The following TATDN2 variants were observed in gnomAD, a reference collection of about 807,000 sequenced individuals.
TATDN2 encodes 3'-5' RNA nuclease TATDN2.
A neutral mutation model predicts 60.3 loss-of-function variants in TATDN2; 44 were observed. That is an observed-to-expected ratio of 0.73 (90% confidence interval 0.57 to 0.94). The LOEUF is 0.94. Ranked by LOEUF, TATDN2 falls within the 40% of genes least tolerant of loss-of-function variation. The pLI is 0.00. For synonymous variants in TATDN2, 399 were observed against 355.8 expected, an observed-to-expected ratio of 1.12 and a Z score of -1.37; for missense variants, 997 against 948.0, an observed-to-expected ratio of 1.05 and a Z score of -0.68.
chr3:10,260,268 C>G lies in TATDN2; in HGVS notation c.546C>G (p.Gly182=), dbSNP rs1307013815. Residue 182 remains glycine (G), a synonymous_variant, in exon 3 of 8, where the codon GGC becomes GGG. Coordinates refer to ENST00000448281, the MANE Select transcript of TATDN2 (RefSeq NM_014760.4). ...AGAGGGATAGACTTCGAGACCAGGGCTCCACAATGATCTACCTGAAGGCTA... is the reference window on the plus strand; with the variant it reads ...AGAGGGATAGACTTCGAGACCAGGGGTCCACAATGATCTACCTGAAGGCTA... ...KRKRDRLRDQ[G]STMIYLKAIQ... is the part of the protein sequence containing the mutation. 6.2e-7 allele frequency: 1 copy of G among 1,614,178 alleles called. No homozygotes were observed. Among genetic ancestry groups the G allele is most frequent in the Non-Finnish European group, 8.5e-7 (1 of 1,180,040 alleles).
At chr3:10,268,888 G>C (rs1479692068) in intron 3 of TATDN2, among the ~76,000 whole-genome samples, 1 of 152,136 alleles carries the variant, frequency 6.6e-6, no homozygotes, top group African/African-American at 2.4e-5. Context: ...TTAATGCAAG[G>C]GATGGTTGTT....
chr3:10,253,274 C>T (rs1446933065), intron 2 of TATDN2, among the ~76,000 whole-genome samples: 9 of 152,136 alleles, frequency 5.9e-5, no homozygotes, highest in Non-Finnish European at 1.2e-4. Flanking sequence ...GTGCTGGGAT[C>T]ACAGGCATGA....
chr3:10,267,615 C>A (rs971119005), intron 3 of TATDN2, among the ~76,000 whole-genome samples: 5 of 152,120 alleles, frequency 3.3e-5, no homozygotes, highest in Admixed American at 3.3e-4. Context: ...TCATATGTCT[C>A]GTTTTTGCTG....
intron 3 of TATDN2, among the ~76,000 whole-genome samples, chr3:10,266,780 A>G (rs954573710): frequency 1.3e-5 from 2 of 152,184 alleles, no homozygotes; most frequent in Admixed American, 1.3e-4. Flanking sequence ...AATTTGTTCA[A>G]TCCATCTTTA....
At chr3:10,255,032 T>TCCCCC (rs1488586574) in intron 2 of TATDN2, among the ~76,000 whole-genome samples, 1 of 12,478 alleles carries the variant, frequency 8.0e-5, no homozygotes, top group East Asian at 3.4e-3. Context: ...CCCCTCCCCC[T>TCCCCC]CCCTCCTTTC....
At chr3:10,274,306 T>C (rs1698605031) in intron 4 of TATDN2, among the ~76,000 whole-genome samples, 1 of 152,214 alleles carries the variant, frequency 6.6e-6, no homozygotes, top group Non-Finnish European at 1.5e-5. Context: ...AATTGCAAGG[T>C]ACAATACAAT....
rs752667287 is a variant in TATDN2 at position 10,249,398 on chromosome 3, G to C, written c.198G>C (p.Ser66=). 6.9e-4 allele frequency: 1,117 copies of C among 1,612,826 alleles called. No homozygotes were observed. The highest frequency in any genetic ancestry group is 8.9e-4 in the Non-Finnish European group (1,050 of 1,179,650). The change falls in exon 2 of 8, where the codon TCG becomes TCC. Residue 66 remains serine, a synonymous_variant. Transcript: ENST00000448281. The stretch of plus-strand genomic sequence containing the variant: ...AGAAGGAGGACGATGTGGCTTGCTC[G>C]CGGAGGTTATCCTGGGGCTCATCCC... ...KAQKEDDVAC[S]RRLSWGSSRR...
At position 10,270,424 on chromosome 3, in the gene TATDN2, C is replaced by G. The variant is rs1044522457; in HGVS notation, c.1242C>G (p.Ser414Arg). Residue 414 changes from serine (S) to arginine (R), a missense_variant, in exon 4 of 8, where the codon AGC (serine) becomes AGG (arginine). Coordinates refer to ENST00000448281, the MANE Select transcript of TATDN2 (RefSeq NM_014760.4). ...DAAQVGKSSR[S>R]RMSDYSPNST... ...CCCAGGTTGGGAAGAGCAGCCGGAG[C>G]CGCATGAGTGATTATTCCCCCAACT... 1.9e-6 allele frequency: 3 copies of G among 1,614,160 alleles called. No homozygotes were observed. The African/African-American group carries it at 4.0e-5, about 22-fold the overall frequency.
rs1698551982 is a variant in TATDN2, at chr3:10,270,831, A to G, written c.1649A>G (p.Glu550Gly). The change falls in exon 4 of 8, where the codon GAG becomes GGG. Residue 550 changes from glutamate to glycine, a missense_variant. Coordinates refer to ENST00000448281, the MANE Select transcript of TATDN2 (RefSeq NM_014760.4). Reference protein sequence around the residue: ...PRTLTDCLWEELLKEDLVWGA... With the variant: ...PRTLTDCLWEGLLKEDLVWGA... ...ACCCTGACAGATTGCCTATGGGAGG[A>G]GCTGTTGAAAGAGGATCTGGTCTGG... 1 of 1,613,904 alleles carries G rather than the reference A, an allele frequency of 6.2e-7. No homozygotes were observed. Among genetic ancestry groups the G allele is most frequent in the African/African-American group, 1.3e-5 (1 of 74,882 alleles).
intron 5 of TATDN2, among the ~76,000 whole-genome samples, chr3:10,277,453 C>T (rs1307266141): frequency 1.3e-5 from 2 of 152,120 alleles, no homozygotes; most frequent in East Asian, 3.9e-4. Flanking sequence ...TATCATAGCC[C>T]AGCCAGAAGA....
intron 2 of TATDN2, among the ~76,000 whole-genome samples, chr3:10,255,077 A>T (rs192898207): frequency 7.3e-6 from 1 of 136,822 alleles, no homozygotes; most frequent in African/African-American, 2.8e-5. Context: ...CAGTGGTGCA[A>T]TTGGCTCACT....
Position 10,278,523 on chromosome 3 carries a change from C to T in TATDN2, c.2145+61C>T. ...GGGAGAGGGTGGGGAGGTGGGTGGTCACCCTTACAAGGTTGGCAGGGCCAG... is the reference window on the plus strand; with the variant it reads ...GGGAGAGGGTGGGGAGGTGGGTGGTTACCCTTACAAGGTTGGCAGGGCCAG... On this transcript the variant is annotated intron_variant, in intron 6 of 7. Transcript: ENST00000448281. This position sits in a 1 kb window ranked among gnomAD's most constrained non-coding sequence, Gnocchi z 4.7. 2.5e-6 allele frequency: 4 copies of T among 1,594,834 alleles called. No individual in the cohort carries two copies. The highest frequency in any genetic ancestry group is 3.4e-6 in the Non-Finnish European group (4 of 1,166,510).
chr3:10,276,155 G>GT (rs1233218274), intron 4 of TATDN2, among the ~76,000 whole-genome samples: 1 of 152,236 alleles, frequency 6.6e-6, no homozygotes, highest in Non-Finnish European at 1.5e-5. Flanking sequence ...CAGGGTGGTT[G>GT]TGAGGACTGC....
intron 4 of TATDN2, among the ~76,000 whole-genome samples, chr3:10,274,511 T>C (rs1205259009): frequency 6.6e-6 from 1 of 152,212 alleles, no homozygotes; most frequent in East Asian, 1.9e-4. Context: ...AAAGCTCTAA[T>C]AGTTTATTTC....
chr3:10,264,185 T>C (rs1265700864), intron 3 of TATDN2, among the ~76,000 whole-genome samples: 1 of 152,218 alleles, frequency 6.6e-6, no homozygotes, highest in Non-Finnish European at 1.5e-5. Flanking sequence ...GATTTCACCC[T>C]GTCCTCCTCC....
chr3:10,251,651 G>T (rs1413551974), intron 2 of TATDN2, among the ~76,000 whole-genome samples: 1 of 152,016 alleles, frequency 6.6e-6, no homozygotes, highest in Non-Finnish European at 1.5e-5. Flanking sequence ...CTCCCAAAGT[G>T]CTGGGATTAC....
rs370962371 is a variant in TATDN2, at chr3:10,278,526, C to T, written c.2145+64C>T. 1.1e-5 allele frequency: 17 copies of T among 1,596,518 alleles called. No individual in the cohort carries two copies. Among genetic ancestry groups the T allele is most frequent in the Non-Finnish European group, 1.5e-5 (17 of 1,168,070 alleles). On this transcript the variant is annotated intron_variant, in intron 6 of 7. Transcript: ENST00000448281. This position sits in a 1 kb window ranked among gnomAD's most constrained non-coding sequence, Gnocchi z 4.7. ...AGAGGGTGGGGAGGTGGGTGGTCAC[C>T]CTTACAAGGTTGGCAGGGCCAGAGC...
intron 2 of TATDN2, among the ~76,000 whole-genome samples, chr3:10,250,788 A>G (rs1334404440): frequency 6.6e-6 from 1 of 152,220 alleles, no homozygotes; most frequent in Non-Finnish European, 1.5e-5. Context: ...AATTTGTCTC[A>G]AATCAGGTAA....
chr3:10,262,527 C>CTTTTTTTTTT lies in TATDN2; in HGVS notation c.948+1872_948+1881dup, dbSNP rs60747520. ...AAGGCATTGCTCCTTTTCTTCTGGG[C>CTTTTTTTTTT]TTTTTTTTTTTTTTTTTTTTTTTTG... On this transcript the variant is annotated intron_variant, in intron 3 of 7. Transcript: ENST00000448281. 2.7e-4 allele frequency among the ~76,000 whole-genome samples: 16 copies of CTTTTTTTTTT among 59,986 alleles called. 2 individuals are homozygous for CTTTTTTTTTT. The highest frequency in any genetic ancestry group is 1.4e-3 in the South Asian group (2 of 1,386). 39.4% of individuals were successfully genotyped at this position (59,986 alleles called of 152,430 possible). A position where few individuals can be genotyped will look rare whatever the true frequency, so the allele number is the denominator to read the frequency against.
Sources: gnomAD v4.1 joint callset for allele counts (sites outside exome capture counted in the v4.1 genomes callset) on GRCh38, gnomAD v4.1.1 for gene constraint, Gnocchi (gnomAD v3.1) non-coding constraint, MANE v1.5 for transcripts, NCBI Gene and HGNC (gene_info 2026-07-23, HGNC 2026-07-21) for gene names.